The following PI4KA variants were observed in gnomAD, a reference collection of about 807,000 sequenced individuals.
The protein encoded by PI4KA is phosphatidylinositol 4-kinase alpha, also known as PI4-kinase alpha.
Under a neutral mutation model 271.4 loss-of-function variants are expected in PI4KA, and 122 were observed. The ratio of observed to expected loss-of-function variants is 0.45; its 90% CI spans 0.39 to 0.52. PI4KA has a LOEUF of 0.52. Ranked by LOEUF, PI4KA falls within the 20% of genes least tolerant of loss-of-function variation. The pLI is 0.00. For synonymous variants in PI4KA, 1,041 were observed against 1,078.8 expected (o/e 0.96, Z 0.69); for missense variants, 1,969 against 2,769.1 (o/e 0.71, Z 6.48).
In PI4KA at chr22:20,714,714, G is replaced by A. The variant is rs1568946479; in HGVS notation, c.5318-14C>T. 6.2e-7 allele frequency: 1 copy of A among 1,612,886 alleles called. No individual in the cohort carries two copies. Among genetic ancestry groups the A allele is most frequent in the Non-Finnish European group, 8.5e-7 (1 of 1,179,322 alleles). On this transcript the variant is annotated splice_polypyrimidine_tract_variant and intron_variant, in intron 45 of 54. Coordinates refer to ENST00000255882, the MANE Select transcript of PI4KA (RefSeq NM_058004.4). The stretch of plus-strand genomic sequence containing the variant: ...GCAGGTAGCAGCCTGTGCAGGGACA[G>A]AGGCAGTCACAGGGAGTGCATGTGT...
intron 10 of PI4KA, 131 bp downstream of exon 10, chr22:20,807,231 C>A: frequency 1.6e-6 from 1 of 616,690 alleles, no homozygotes; most frequent in Non-Finnish European, 2.9e-6. Flanking sequence ...AGTAACATGA[C>A]CACTTTGCTC....
chr22:20,722,178 A>T (rs973118445), intron 42 of PI4KA, among the ~76,000 whole-genome samples: 3 of 151,894 alleles, frequency 2.0e-5, no homozygotes, highest in African/African-American at 7.3e-5. Flanking sequence ...AGTCTCGGGA[A>T]GTTTTTTTGT....
chr22:20,717,628 G>A (rs1926169037), intron 45 of PI4KA, 80 bp downstream of exon 45: 1 of 1,190,768 alleles, frequency 8.4e-7, no homozygotes, highest in Non-Finnish European at 1.2e-6. Context: ...TGCAGTGCCT[G>A]GAGAGGGCAG....
chr22:20,779,076 G>A, intron 19 of PI4KA: 1 of 1,042,854 alleles, frequency 9.6e-7, no homozygotes. Context: ...TTTCATCAAG[G>A]GGCCCACAGA....
At chr22:20,732,945 T>C in intron 36 of PI4KA, 26 bp downstream of exon 36, 3 of 1,610,756 alleles carry the variant, frequency 1.9e-6, no homozygotes, top group South Asian at 1.1e-5. Context: ...GCCTCCACCA[T>C]GAGCAGCTGC....
intron 9 of PI4KA, among the ~76,000 whole-genome samples, chr22:20,810,310 T>C (rs1935919404): frequency 6.6e-6 from 1 of 151,964 alleles, no homozygotes; most frequent in African/African-American, 2.4e-5. Flanking sequence ...ATTGAGACCA[T>C]CCTGGCTAAC....
intron 1 of PI4KA, among the ~76,000 whole-genome samples, 185 bp downstream of exon 1, chr22:20,858,385 T>G (rs1418311089): frequency 8.2e-6 from 1 of 121,818 alleles, no homozygotes; most frequent in African/African-American, 3.3e-5. Flanking sequence ...ACGGTCCCTC[T>G]CTCTTCACCA....
intron 30 of PI4KA, among the ~76,000 whole-genome samples, chr22:20,744,263 T>A (rs1379577170): frequency 6.6e-6 from 1 of 152,150 alleles, no homozygotes; most frequent in East Asian, 1.9e-4. Context: ...TTACTTAATC[T>A]TGGGAACCTC....
chr22:20,747,351 A>C, intron 29 of PI4KA: 2 of 426,564 alleles, frequency 4.7e-6, no homozygotes, highest in Non-Finnish European at 8.5e-6. Flanking sequence ...GATCCCCATA[A>C]ATCCATAAAT....
Position 20,734,536 on chromosome 22 carries a change from T to G in PI4KA, c.3759A>C (p.Ala1253=), listed in dbSNP as rs191606518. The change falls in exon 33 of 55, where the codon GCA becomes GCC. Residue 1253 remains alanine (A), a synonymous_variant. Transcript: ENST00000255882. ...GCTCCACCGTCATGTGCCAGGCCCC[T>G]GCCATCTCCCGCATGAACTACAGGT... ...GVEVPFMREM[A]GAWHMTVEQK... is the part of the protein sequence containing the mutation. 1.2e-6 allele frequency: 2 copies of G among 1,613,992 alleles called. No homozygotes were observed. The highest frequency in any genetic ancestry group is 1.3e-5 in the African/African-American group (1 of 75,038).
intron 19 of PI4KA, among the ~76,000 whole-genome samples, chr22:20,774,763 A>T (rs1238162272): frequency 6.6e-6 from 1 of 151,292 alleles, no homozygotes; most frequent in African/African-American, 2.4e-5. Context: ...TCCGTCAAAA[A>T]AAAAAAAAAA....
At chr22:20,762,997 G>A (rs577648213) in intron 22 of PI4KA, among the ~76,000 whole-genome samples, 3 of 77,188 alleles carry the variant, frequency 3.9e-5, no homozygotes, top group African/African-American at 5.3e-5. Context: ...CAACTGGCTA[G>A]GTTTTTTTGC....
intron 36 of PI4KA, among the ~76,000 whole-genome samples, chr22:20,731,396 T>C (rs1448468950): frequency 6.6e-6 from 1 of 152,094 alleles, no homozygotes; most frequent in Admixed American, 6.5e-5. Flanking sequence ...TTCCTTTTCC[T>C]GCTAGTTAGG....
rs562399164 is a variant in PI4KA at position 20,716,212 on chromosome 22, G to A, written c.5317+1496C>T. On this transcript the variant is annotated intron_variant, in intron 45 of 54. Transcript: ENST00000255882. ...ACTACAGGCGCCCGCCACCACACCC[G>A]GCTGATTTTTTGTATTTTTGGTAGA... Among the ~76,000 whole-genome samples, 28 of 152,224 alleles carry A rather than the reference G, an allele frequency of 1.8e-4. No individual in the cohort carries two copies. The East Asian group carries it at 4.5e-3, about 24-fold the overall frequency.
At chr22:20,714,743 CA>C (rs1168603008) in intron 45 of PI4KA, 43 bp from the exon 46 acceptor site, 1 of 1,592,140 alleles carries the variant, frequency 6.3e-7, no homozygotes, top group African/African-American at 1.3e-5. Context: ...CATGTGTCAC[CA>C]CAGGTGAGCC....
At chr22:20,749,379 C>T (rs1930435765) in intron 28 of PI4KA, among the ~76,000 whole-genome samples, 2 of 152,256 alleles carry the variant, frequency 1.3e-5, no homozygotes, top group South Asian at 4.1e-4. Flanking sequence ...CTCTCACACC[C>T]TGTGGCATTA....
intron 4 of PI4KA, among the ~76,000 whole-genome samples, chr22:20,823,681 A>AG (rs1922999785): frequency 6.6e-6 from 1 of 152,134 alleles, no homozygotes; most frequent in East Asian, 1.9e-4. Context: ...GCTCACACCT[A>AG]TAATCCCAGC....
intron 45 of PI4KA, among the ~76,000 whole-genome samples, chr22:20,715,535 C>T (rs1925874023): frequency 6.7e-6 from 1 of 148,550 alleles, no homozygotes; most frequent in East Asian, 2.1e-4. Flanking sequence ...AGTGCAGTGG[C>T]TCGGTCTCAG....
intron 4 of PI4KA, among the ~76,000 whole-genome samples, chr22:20,822,611 C>A (rs1282741911): frequency 6.6e-6 from 1 of 152,184 alleles, no homozygotes; most frequent in Non-Finnish European, 1.5e-5. Context: ...AGGCCGATAC[C>A]TCACTGATCA....
Sources: allele counts gnomAD v4.1 joint callset (sites outside exome capture counted in the v4.1 genomes callset), GRCh38; gene constraint gnomAD v4.1.1; transcripts MANE v1.5; gene names NCBI Gene and HGNC (gene_info 2026-07-23, HGNC 2026-07-21).